Variants in TLR4 observed in about 807,000 individuals in gnomAD.
TLR4 encodes toll like receptor 4, also known as toll-like receptor 4.
Under a neutral mutation model 27.4 loss-of-function variants are expected in TLR4, and 17 were observed. The ratio of observed to expected loss-of-function variants is 0.62; its 90% CI spans 0.42 to 0.93. The LOEUF is 0.93. Among genes scored for constraint, TLR4 ranks in the 40% least tolerant of loss-of-function variants. TLR4 has a pLI of 0.00. For missense variants in TLR4, 926 were observed against 962.3 expected, an observed-to-expected ratio of 0.96 and a Z score of 0.50; for synonymous variants, 363 against 365.7, an observed-to-expected ratio of 0.99 and a Z score of 0.08.
rs760492331 is a variant in TLR4, at chr9:117,714,097, C to T, written c.1969C>T (p.His657Tyr). 1.2e-6 allele frequency: 2 copies of T among 1,614,090 alleles called. No homozygotes were observed. The highest frequency in any genetic ancestry group is 2.2e-5 in the East Asian group (1 of 44,868). Residue 657 changes from histidine (H) to tyrosine (Y), a missense_variant, in exon 3 of 3, where the codon CAC (histidine) becomes TAC (tyrosine). His to Tyr is a moderately conservative substitution (Grantham distance 83). Transcript: ENST00000355622. Reference protein sequence around the residue: ...VAVLVYKFYFHLMLLAGCIKY... With the variant: ...VAVLVYKFYFYLMLLAGCIKY... ...AGTTCTGGTCTATAAGTTCTATTTTCACCTGATGCTTCTTGCTGGCTGCAT... is the reference window on the plus strand; with the variant it reads ...AGTTCTGGTCTATAAGTTCTATTTTTACCTGATGCTTCTTGCTGGCTGCAT...
Position 117,713,467 on chromosome 9 carries a change from A to G in TLR4, c.1339A>G (p.Arg447Gly), listed in dbSNP as rs1303280945. ...TGAGTTTTCAGTATTCCTATCACTC[A>G]GAAACCTCATTTACCTTGACATTTC... is the stretch of plus-strand genomic sequence containing the variant. ...MSEFSVFLSL[R>G]NLIYLDISHT... The change falls in exon 3 of 3, where the codon AGA becomes GGA. Residue 447 changes from arginine to glycine, a missense_variant. Transcript: ENST00000355622. 1.5e-5 allele frequency: 24 copies of G among 1,614,144 alleles called. No individual in the cohort carries two copies. The highest frequency in any genetic ancestry group is 2.0e-5 in the Non-Finnish European group (24 of 1,180,016).
chr9:117,722,456 A>C lies in TLR4; in HGVS notation c.*7808A>C, dbSNP rs753187614. On this transcript the variant is annotated 3_prime_UTR_variant, in exon 3 of 3. Transcript: ENST00000355622. ...CTGCTGTCAAAATTTTCCTGCTTGC[A>C]AAGAGCACTTTTGAAATTAATGGCA... is the stretch of plus-strand genomic sequence containing the variant. 1 of 152,200 alleles carries C rather than the reference A, an allele frequency of 6.6e-6. No homozygotes were observed. Among genetic ancestry groups the C allele is most frequent in the Non-Finnish European group, 1.5e-5 (1 of 68,046 alleles). The allele number at this position is 152,200 out of a possible 1,614,324, so 9.4% of individuals were successfully genotyped here. A position where few individuals can be genotyped will look rare whatever the true frequency, so the allele number is the denominator to read the frequency against.
In TLR4 at chr9:117,714,036, G is replaced by T; in HGVS notation, c.1908G>T (p.Val636=). 6.2e-7 allele frequency: 1 copy of T among 1,613,960 alleles called. No individual in the cohort carries two copies. The highest frequency in any genetic ancestry group is 2.2e-5 in the East Asian group (1 of 44,828). Reference sequence around the variant, plus strand: ...AGATGAATAAGACCATCATTGGTGTGTCGGTCCTCAGTGTGCTTGTAGTAT... The same window carrying T: ...AGATGAATAAGACCATCATTGGTGTTTCGGTCCTCAGTGTGCTTGTAGTAT... ...TCQMNKTIIG[V]SVLSVLVVSV... Residue 636 remains valine, a synonymous_variant, in exon 3 of 3, where the codon GTG becomes GTT. Transcript: ENST00000355622.
rs1452128928 is a variant in TLR4, at chr9:117,717,507, A to C, written c.*2859A>C. 1 of 152,120 alleles carries C rather than the reference A, an allele frequency of 6.6e-6. No individual in the cohort carries two copies. Among genetic ancestry groups the C allele is most frequent in the Admixed American group, 6.6e-5 (1 of 15,238 alleles). The allele number at this position is 152,120 out of a possible 1,614,324, so 9.4% of individuals were successfully genotyped here. ...CTCTCAAAATATCTTACTGTACTGT[A>C]CTCACCTATTTTCAGACCATAACTG... is the stretch of plus-strand genomic sequence containing the variant. On this transcript the variant is annotated 3_prime_UTR_variant, in exon 3 of 3. Coordinates refer to ENST00000355622, the MANE Select transcript of TLR4 (RefSeq NM_138554.5).
rs1270061394 is a variant in TLR4 at position 117,719,577 on chromosome 9, T to A, written c.*4929T>A. On this transcript the variant is annotated 3_prime_UTR_variant, in exon 3 of 3. Coordinates refer to ENST00000355622, the MANE Select transcript of TLR4 (RefSeq NM_138554.5). ...GCCAGGAAAAATGTGATCTAAGTTA[T>A]GTGATCAAAGATTTTTTAACAGTGA... 1 of 152,186 alleles carries A rather than the reference T, an allele frequency of 6.6e-6. No homozygotes were observed. Among genetic ancestry groups the A allele is most frequent in the African/African-American group, 2.4e-5 (1 of 41,440 alleles). The allele number at this position is 152,186 out of a possible 1,614,324, so 9.4% of individuals were successfully genotyped here.
rs902751794 is a variant in TLR4 at position 117,717,105 on chromosome 9, A to G, written c.*2457A>G. On this transcript the variant is annotated 3_prime_UTR_variant, in exon 3 of 3. Coordinates refer to ENST00000355622, the MANE Select transcript of TLR4 (RefSeq NM_138554.5). ...ATGTATCCCTATCAGGGCTGTGTGT[A>G]TTTGAAAGTGTGTGTGTCCGCATGA... 7.9e-5 allele frequency: 12 copies of G among 152,096 alleles called. No homozygotes were observed. The highest frequency in any genetic ancestry group is 2.9e-4 in the African/African-American group (12 of 41,418). The allele number at this position is 152,096 out of a possible 1,614,324, so 9.4% of individuals were successfully genotyped here. A position where few individuals can be genotyped will look rare whatever the true frequency, so the allele number is the denominator to read the frequency against.
chr9:117,715,190 A>T lies in TLR4; in HGVS notation c.*542A>T. On this transcript the variant is annotated 3_prime_UTR_variant, in exon 3 of 3. Coordinates refer to ENST00000355622, the MANE Select transcript of TLR4 (RefSeq NM_138554.5). ...AAGTCTAGTGGCTAATTCCTAAGGA[A>T]ACCTGATTAACACATGCTCACAACC... The T allele has an allele frequency of 1.9e-5, 3 of 160,286 alleles. No individual in the cohort carries two copies. The highest frequency in any genetic ancestry group is 5.8e-5 in the Admixed American group (1 of 17,138). The allele number at this position is 160,286 out of a possible 1,614,324, so 9.9% of individuals were successfully genotyped here.
At chr9:117,712,311 A>C in intron 2 of TLR4, 78 bp from the exon 3 acceptor site, 1 of 1,375,960 alleles carries the variant, frequency 7.3e-7, no homozygotes, top group East Asian at 2.4e-5. Flanking sequence ...GAAGAGCTGG[A>C]TGACTAGGAT....
At chr9:117,709,576 C>T (rs781729916) in intron 2 of TLR4, among the ~76,000 whole-genome samples, 2 of 151,942 alleles carry the variant, frequency 1.3e-5, no homozygotes, top group South Asian at 2.1e-4. Flanking sequence ...TTTTCATCAT[C>T]GGGGCCTTAT....
rs200676661 is a variant in TLR4 at position 117,713,843 on chromosome 9, C to T, written c.1715C>T (p.Ala572Val). Residue 572 changes from alanine to valine, a missense_variant, in exon 3 of 3, where the codon GCT (alanine) becomes GTT (valine). Transcript: ENST00000355622. Reference protein sequence around the residue: ...QELQHFPSSLAFLNLTQNDFA... With the variant: ...QELQHFPSSLVFLNLTQNDFA... ...CTACAGCATTTTCCAAGTAGTCTAG[C>T]TTTCTTAAATCTTACTCAGAATGAC... is the stretch of plus-strand genomic sequence containing the variant. 7.4e-6 allele frequency: 12 copies of T among 1,613,906 alleles called. No homozygotes were observed. Among genetic ancestry groups the T allele is most frequent in the Non-Finnish European group, 8.5e-6 (10 of 1,180,010 alleles).
At position 117,713,194 on chromosome 9, in the gene TLR4, C is replaced by T. The variant is rs1000460741; in HGVS notation, c.1066C>T (p.Leu356Phe). The change falls in exon 3 of 3, where the codon CTT becomes TTT. Residue 356 changes from leucine to phenylalanine, a missense_variant. Physicochemically the swap from Leu to Phe is conservative, Grantham distance 22. Coordinates refer to ENST00000355622, the MANE Select transcript of TLR4 (RefSeq NM_138554.5). ...PTLKLKSLKR[L>F]TFTSNKGGNA... ...ATTGAAACTCAAATCTCTCAAAAGG[C>T]TTACTTTCACTTCCAACAAAGGTGG... The T allele has an allele frequency of 2.5e-6, 4 of 1,613,868 alleles. No individual in the cohort carries two copies. The highest frequency in any genetic ancestry group is 3.4e-6 in the Non-Finnish European group (4 of 1,179,976).
In TLR4 at chr9:117,722,686, G is replaced by T. The variant is rs1425111657; in HGVS notation, c.*8038G>T. On this transcript the variant is annotated 3_prime_UTR_variant, in exon 3 of 3. Transcript: ENST00000355622. ...AGTGAACAGCGATAGAGGTAGTGAG[G>T]TTTAGGATTCAGGTCTGCCACCGGG... 1 of 152,214 alleles carries T rather than the reference G, an allele frequency of 6.6e-6. No homozygotes were observed. Among genetic ancestry groups the T allele is most frequent in the Non-Finnish European group, 1.5e-5 (1 of 68,044 alleles). 9.4% of individuals were successfully genotyped at this position (152,214 alleles called of 1,614,324 possible).
In TLR4 at chr9:117,723,078, G is replaced by T. The variant is rs1829440428; in HGVS notation, c.*8430G>T. 6.6e-6 allele frequency: 1 copy of T among 152,182 alleles called. No homozygotes were observed. Among genetic ancestry groups the T allele is most frequent in the African/African-American group, 2.4e-5 (1 of 41,436 alleles). 9.4% of individuals were successfully genotyped at this position (152,182 alleles called of 1,614,324 possible). ...CAAACGGCTGCTGAGGGTCAGGCCA[G>T]CTCTCTGACATTCTAGCATGTTCAC... On this transcript the variant is annotated 3_prime_UTR_variant, in exon 3 of 3. Transcript: ENST00000355622.
Position 117,714,259 on chromosome 9 carries a change from G to T in TLR4, c.2131G>T (p.Asp711Tyr). ...PPFQLCLHYR[D>Y]FIPGVAIAAN... is the part of the protein sequence containing the mutation. ...ATTTCAGCTCTGCCTTCACTACAGA[G>T]ACTTTATTCCCGGTGTGGCCATTGC... Residue 711 changes from aspartate to tyrosine, a missense_variant, in exon 3 of 3, where the codon GAC becomes TAC. Asp to Tyr is a radical substitution (Grantham distance 160). Coordinates refer to ENST00000355622, the MANE Select transcript of TLR4 (RefSeq NM_138554.5). 6.3e-7 allele frequency: 1 copy of T among 1,599,422 alleles called. No individual in the cohort carries two copies. Among genetic ancestry groups the T allele is most frequent in the South Asian group, 1.1e-5 (1 of 90,482 alleles).
chr9:117,720,987 TAAAA>T lies in TLR4; in HGVS notation c.*6343_*6346del, dbSNP rs1439749618. ...GAGACACTATATAAAAATATAGAGT[TAAAA>T]AAACTATTTAAAAAAAAGACAACTT... On this transcript the variant is annotated 3_prime_UTR_variant, in exon 3 of 3. Transcript: ENST00000355622. 6.6e-6 allele frequency: 1 copy of T among 152,164 alleles called. No homozygotes were observed. The highest frequency in any genetic ancestry group is 1.5e-5 in the Non-Finnish European group (1 of 68,020). 9.4% of individuals were successfully genotyped at this position (152,164 alleles called of 1,614,324 possible). A position where few individuals can be genotyped will look rare whatever the true frequency, so the allele number is the denominator to read the frequency against.
At chr9:117,706,654 C>T (rs1007938399) in intron 1 of TLR4, among the ~76,000 whole-genome samples, 4 of 152,176 alleles carry the variant, frequency 2.6e-5, no homozygotes, top group African/African-American at 9.7e-5. Context: ...CTCCTTAGGA[C>T]ATGTTTTTCT....
At position 117,713,475 on chromosome 9, in the gene TLR4, C is replaced by T. The variant is rs1213497608; in HGVS notation, c.1347C>T (p.Leu449=). ...EFSVFLSLRN[L]IYLDISHTHT... is the part of the protein sequence containing the mutation. ...CAGTATTCCTATCACTCAGAAACCT[C>T]ATTTACCTTGACATTTCTCATACTC... The change falls in exon 3 of 3, where the codon CTC becomes CTT. Residue 449 remains leucine (L), a synonymous_variant. Coordinates refer to ENST00000355622, the MANE Select transcript of TLR4 (RefSeq NM_138554.5). The T allele has an allele frequency of 5.0e-6, 8 of 1,614,098 alleles. No individual in the cohort carries two copies. The South Asian group carries it at 6.6e-5, about 13-fold the overall frequency.
Position 117,712,635 on chromosome 9 carries a change from G to A in TLR4, c.507G>A (p.Glu169=), listed in dbSNP as rs201912905. Residue 169 remains glutamate (E), a synonymous_variant, in exon 3 of 3, where the codon GAG becomes GAA. Transcript: ENST00000355622. The part of the protein sequence containing the change: ...HNLIQSFKLP[E]YFSNLTNLEH... ...TTATCCAATCTTTCAAATTACCTGA[G>A]TATTTTTCTAATCTGACCAATCTAG... is the stretch of plus-strand genomic sequence containing the variant. 6.2e-7 allele frequency: 1 copy of A among 1,614,004 alleles called. No individual in the cohort carries two copies. The highest frequency in any genetic ancestry group is 1.1e-5 in the South Asian group (1 of 91,074).
rs1829376798 is a variant in TLR4 at position 117,717,834 on chromosome 9, A to G, written c.*3186A>G. The G allele has an allele frequency of 6.6e-6, 1 of 152,176 alleles. No individual in the cohort carries two copies. Among genetic ancestry groups the G allele is most frequent in the South Asian group, 2.1e-4 (1 of 4,832 alleles). 9.4% of individuals were successfully genotyped at this position (152,176 alleles called of 1,614,324 possible). ...CTCCTTCCTATCAGTTCCCTCTCCC[A>G]GATGGAAATTCTAGAAATGGCAGGT... On this transcript the variant is annotated 3_prime_UTR_variant, in exon 3 of 3. Transcript: ENST00000355622.
Sources: allele counts gnomAD v4.1 joint callset (sites outside exome capture counted in the v4.1 genomes callset), GRCh38; gene constraint gnomAD v4.1.1; transcripts MANE v1.5; gene names NCBI Gene and HGNC (gene_info 2026-07-23, HGNC 2026-07-21).